The following CAST variants were observed in gnomAD, a reference collection of about 807,000 sequenced individuals.
The protein encoded by CAST is calpastatin.
CAST carries 76 observed loss-of-function variants against 119.6 expected under a neutral mutation model. The ratio of observed to expected loss-of-function variants is 0.64; its 90% CI spans 0.53 to 0.77. The LOEUF is 0.77. Among genes scored for constraint, CAST ranks in the 30% least tolerant of loss-of-function variants. The pLI is 0.00. For synonymous variants in CAST, 319 were observed against 331.6 expected (o/e 0.96, Z 0.41); for missense variants, 953 against 946.5 (o/e 1.01, Z -0.09).
chr5:96,069,343 ATGTG>A, the CAST span, among the ~76,000 whole-genome samples: 1 of 143,248 alleles, frequency 7.0e-6, no homozygotes, highest in Non-Finnish European at 1.5e-5. Context: ...ACTGGAAAGC[ATGTG>A]TGTATGTATG....
chr5:96,525,567 G>A (rs186174725), upstream of CAST: 162 of 152,150 alleles, frequency 1.1e-3, no homozygotes, highest in African/African-American at 3.8e-3. Context: ...TTCGAATCAG[G>A]CTTGATTATT....
At chr5:96,518,743 G>T in the CAST span, among the ~76,000 whole-genome samples, 1 of 152,130 alleles carries the variant, frequency 6.6e-6, no homozygotes, top group African/African-American at 2.4e-5. Flanking sequence ...TTAAAGAATC[G>T]CTGTGAGGGG....
chr5:96,741,813 G>A, intron 15 of CAST: 1 of 447,586 alleles, frequency 2.2e-6, no homozygotes, highest in South Asian at 2.7e-5. Flanking sequence ...CATCATCTAA[G>A]ACCATCTCAC....
At chr5:96,597,117 A>G (rs1408392226) in intron 1 of CAST, among the ~76,000 whole-genome samples, 1 of 152,232 alleles carries the variant, frequency 6.6e-6, no homozygotes, top group Non-Finnish European at 1.5e-5. Flanking sequence ...ACAGTGATCA[A>G]GATGGCATCA....
intron 2 of CAST, among the ~76,000 whole-genome samples, chr5:96,682,362 C>G (rs28040): frequency 0.31 from 47,333 of 152,016 alleles, 8,927 homozygotes; most frequent in African/African-American, 0.52. Context: ...TTTTGGTTTT[C>G]GTTTTTGGTT....
chr5:96,049,889 CAAAAAAAAAAA>C, the CAST span, among the ~76,000 whole-genome samples: 1,788 of 34,284 alleles, frequency 0.052, 17 homozygotes, highest in Middle Eastern at 0.12. Context: ...GAACAGGAGG[CAAAAAAAAAAA>C]AAAAAAAAAA....
At chr5:96,208,254 T>C in the CAST span, among the ~76,000 whole-genome samples, 1 of 151,912 alleles carries the variant, frequency 6.6e-6, no homozygotes, top group Admixed American at 6.6e-5. Flanking sequence ...ATCTATCTTA[T>C]TTATCATTTC....
the CAST span, among the ~76,000 whole-genome samples, chr5:96,312,705 C>T: frequency 2.2e-4 from 34 of 152,038 alleles, no homozygotes; most frequent in Non-Finnish European, 3.5e-4. Flanking sequence ...CATATTTTCC[C>T]TTTGTAGTAT....
the CAST span, among the ~76,000 whole-genome samples, chr5:96,443,363 T>C: frequency 6.6e-6 from 1 of 152,318 alleles, no homozygotes; most frequent in East Asian, 1.9e-4. Flanking sequence ...TATCAATCTT[T>C]TGCTTCAAGC....
the CAST span, chr5:96,412,961 C>T: frequency 1.1e-4 from 115 of 1,013,374 alleles, no homozygotes; most frequent in Middle Eastern, 4.9e-4. Flanking sequence ...TCTGGTGATG[C>T]ACCTCCTCAT....
the CAST span, among the ~76,000 whole-genome samples, chr5:96,311,048 A>G: frequency 6.6e-6 from 1 of 151,522 alleles, no homozygotes; most frequent in East Asian, 1.9e-4. Flanking sequence ...TTCTTCTTTT[A>G]TGATGTAGGC....
chr5:96,464,644 G>T, the CAST span, among the ~76,000 whole-genome samples: 26 of 152,000 alleles, frequency 1.7e-4, no homozygotes, highest in Non-Finnish European at 2.9e-4. Context: ...GACAGAAAGA[G>T]GGAATCATTT....
At chr5:96,137,952 C>T in the CAST span, among the ~76,000 whole-genome samples, 115 of 151,004 alleles carry the variant, frequency 7.6e-4, 1 homozygote, top group African/African-American at 2.4e-3. Context: ...TTTTCATTTT[C>T]GTAACAGTGT....
intron 3 of CAST, among the ~76,000 whole-genome samples, chr5:96,700,912 G>C (rs1364207590): frequency 6.6e-6 from 1 of 151,908 alleles, no homozygotes; most frequent in Non-Finnish European, 1.5e-5. Context: ...ACTTACAGCA[G>C]AAGAATCTTG....
chr5:96,362,588 T>A, the CAST span, among the ~76,000 whole-genome samples: 2 of 152,248 alleles, frequency 1.3e-5, no homozygotes, highest in Non-Finnish European at 2.9e-5. Flanking sequence ...TGGCCAGTGA[T>A]GATGAGCATT....
chr5:96,355,978 G>A, the CAST span, among the ~76,000 whole-genome samples: 2 of 152,086 alleles, frequency 1.3e-5, no homozygotes, highest in Non-Finnish European at 2.9e-5. Context: ...GGGATTACAG[G>A]CATGAACCAC....
chr5:96,051,670 A>G, the CAST span, among the ~76,000 whole-genome samples: 134 of 152,146 alleles, frequency 8.8e-4, 1 homozygote, highest in Non-Finnish European at 1.1e-3. Context: ...CCTGTGAGTG[A>G]TGAGGTTAGT....
At chr5:96,171,533 C>G in the CAST span, among the ~76,000 whole-genome samples, 1 of 152,210 alleles carries the variant, frequency 6.6e-6, no homozygotes, top group East Asian at 1.9e-4. Context: ...CGGCGGTGAT[C>G]AGACACCAAT....
chr5:96,439,698 C>A, the CAST span, among the ~76,000 whole-genome samples: 2 of 152,086 alleles, frequency 1.3e-5, no homozygotes, highest in Non-Finnish European at 2.9e-5. Flanking sequence ...TTGGTCACCT[C>A]GGGGTTGCTT....
Sources: allele counts gnomAD v4.1 joint callset (sites outside exome capture counted in the v4.1 genomes callset), GRCh38; gene constraint gnomAD v4.1.1; transcripts MANE v1.5; gene names NCBI Gene and HGNC (gene_info 2026-07-23, HGNC 2026-07-21).